Variants in RGS12 observed in about 807,000 individuals in gnomAD.
The protein encoded by RGS12 is regulator of G-protein signaling 12.
A neutral mutation model predicts 120.1 loss-of-function variants in RGS12; 66 were observed. The ratio of observed to expected loss-of-function variants is 0.55; its 90% CI spans 0.45 to 0.67. The LOEUF is 0.67. RGS12 is among the 30% of genes least tolerant of loss of function. The pLI is 0.00. For missense variants in RGS12, 1,859 were observed against 1,957.7 expected (o/e 0.95, Z 0.95); for synonymous variants, 827 against 804.7 (o/e 1.03, Z -0.47).
the RGS12 span, among the ~76,000 whole-genome samples, chr4:3,287,577 C>G: frequency 1.3e-5 from 2 of 152,174 alleles, no homozygotes; most frequent in African/African-American, 4.8e-5. Flanking sequence ...CCTGGCGGCC[C>G]GAGGAAGTTC....
At chr4:3,332,157 T>C (rs969025433) in intron 2 of RGS12, among the ~76,000 whole-genome samples, 15 of 152,164 alleles carry the variant, frequency 9.9e-5, no homozygotes, top group Non-Finnish European at 2.1e-4. Context: ...TGTGGCCCCT[T>C]CACTGTTGGC....
intron 12 of RGS12, among the ~76,000 whole-genome samples, 156 bp from the exon 13 acceptor site, chr4:3,423,359 G>A (rs538981338): frequency 6.6e-6 from 1 of 152,334 alleles, no homozygotes; most frequent in South Asian, 2.1e-4. Context: ...CTTTTCCCAC[G>A]TGGAGGAAGG....
chr4:3,439,166 T>C (rs1725087645), intron 17 of RGS12, among the ~76,000 whole-genome samples: 1 of 151,740 alleles, frequency 6.6e-6, no homozygotes. Flanking sequence ...CCCAGCTCTG[T>C]TCCTGAGCTG....
chr4:3,355,794 CAAAAAAA>C (rs372490658), intron 3 of RGS12, among the ~76,000 whole-genome samples: 61 of 58,080 alleles, frequency 1.1e-3, no homozygotes, highest in Admixed American at 5.8e-3. Context: ...GACCTTGTCT[CAAAAAAA>C]AAAAAAAAAA....
At chr4:3,294,664 T>A (rs562555232) in intron 1 of RGS12, among the ~76,000 whole-genome samples, 1 of 151,984 alleles carries the variant, frequency 6.6e-6, no homozygotes, top group Non-Finnish European at 1.5e-5. Context: ...CTGCACAAGT[T>A]GGTGCACCCC....
chr4:3,431,258 G>T, intron 17 of RGS12: 6 of 1,270,300 alleles, frequency 4.7e-6, no homozygotes, highest in Non-Finnish European at 6.0e-6. Context: ...AACACCCTGG[G>T]TGAGGCCTGG....
intron 3 of RGS12, among the ~76,000 whole-genome samples, chr4:3,367,598 G>A (rs1382053962): frequency 6.6e-6 from 1 of 152,254 alleles, no homozygotes; most frequent in African/African-American, 2.4e-5. Context: ...AGCAGCTCCT[G>A]GACCTCTGAC....
intron 2 of RGS12, among the ~76,000 whole-genome samples, chr4:3,329,969 A>T (rs762231794): frequency 1.3e-5 from 2 of 152,208 alleles, no homozygotes; most frequent in African/African-American, 2.4e-5. Flanking sequence ...CAAGCTTCCT[A>T]ATAATTTCTA....
intron 4 of RGS12, among the ~76,000 whole-genome samples, chr4:3,388,793 G>T (rs1466185989): frequency 6.6e-6 from 1 of 152,262 alleles, no homozygotes; most frequent in Admixed American, 6.5e-5. Flanking sequence ...AACTCTGGCT[G>T]TGTTTCCACA....
rs187019050 is a variant in RGS12 at position 3,350,389 on chromosome 4, T to C, written c.1998+7336T>C. Among the ~76,000 whole-genome samples the C allele has an allele frequency of 2.5e-3, 382 of 152,312 alleles. 1 individual carries two copies. Among genetic ancestry groups the C allele is most frequent in the African/African-American group, 8.7e-3 (362 of 41,574 alleles). On this transcript the variant is annotated intron_variant, in intron 3 of 17. Transcript: ENST00000336727. ...TAAAACCAACTTATTTATCCAAGAT[T>C]TACTTAAGTCAGCTGGGTGTGGTGG...
rs758132409 is a variant in RGS12, at chr4:3,416,083, G to A, written c.2389G>A (p.Ala797Thr). ...CCAGCTAGCAGACGACGTCCTCCGC[G>A]CACCTCACCCAGACATGTTCAAGGA... is the stretch of plus-strand genomic sequence containing the variant. ...QAQLADDVLR[A>T]PHPDMFKEQQ... is the part of the protein sequence containing the mutation. The change falls in exon 7 of 18, where the codon GCA becomes ACA. Residue 797 changes from alanine to threonine, a missense_variant. Physicochemically the swap from Ala to Thr is moderately conservative, Grantham distance 58. This residue lies in a region of RGS12 where 375 missense variants were observed against 475.0 expected (regional missense o/e 0.79). Transcript: ENST00000336727. The A allele has an allele frequency of 1.7e-5, 28 of 1,613,976 alleles. No individual in the cohort carries two copies. Among genetic ancestry groups the A allele is most frequent in the Non-Finnish European group, 2.1e-5 (25 of 1,180,024 alleles).
At position 3,423,738 on chromosome 4, in the gene RGS12, G is replaced by C. The variant is rs142304941; in HGVS notation, c.3234+97G>C. 84 of 1,443,792 alleles carry C rather than the reference G, an allele frequency of 5.8e-5. No individual in the cohort carries two copies. The Middle Eastern group carries it at 7.6e-4, about 13-fold the overall frequency. 89.4% of individuals were successfully genotyped at this position (1,443,792 alleles called of 1,614,324 possible). The stretch of plus-strand genomic sequence containing the variant: ...TTCACTGAAGAGGGCACACCAAGAA[G>C]CGGTGTCTTCCCCTGATCTGGTTGT... On this transcript the variant is annotated intron_variant, in intron 13 of 17. Transcript: ENST00000336727.
At chr4:3,294,846 G>T (rs142413353) in intron 1 of RGS12, among the ~76,000 whole-genome samples, 80 of 152,308 alleles carry the variant, frequency 5.3e-4, no homozygotes, top group Non-Finnish European at 6.8e-4. Flanking sequence ...GGTGACCGGA[G>T]GTCTCAGGGA....
chr4:3,415,449 G>C (rs551884325), intron 6 of RGS12, among the ~76,000 whole-genome samples: 2 of 152,220 alleles, frequency 1.3e-5, no homozygotes, highest in Non-Finnish European at 2.9e-5. Context: ...AGGAAGGAAC[G>C]TGTATTTAGG....
intron 2 of RGS12, among the ~76,000 whole-genome samples, chr4:3,336,147 G>A (rs1266909788): frequency 1.3e-5 from 2 of 152,186 alleles, no homozygotes; most frequent in African/African-American, 4.8e-5. Flanking sequence ...GGAGCCCCAT[G>A]TCCTGTCCCT....
intron 1 of RGS12, among the ~76,000 whole-genome samples, chr4:3,306,281 A>C (rs6847711): frequency 0.026 from 3,932 of 152,246 alleles, 170 homozygotes; most frequent in African/African-American, 0.089. Context: ...TGGCTGGAGC[A>C]TTGGGGGCCG....
chr4:3,384,226 CT>C lies in RGS12; in HGVS notation c.1999-2189del, dbSNP rs571074608. On this transcript the variant is annotated intron_variant, in intron 3 of 17. Coordinates refer to ENST00000336727, the MANE Select transcript of RGS12 (RefSeq NM_001394154.1). ...CTGGAGTGTAGTGGCACGATCTCGG[CT>C]CATTGCAACCTCTACCTCCCGGGTT... is the stretch of plus-strand genomic sequence containing the variant. Among the ~76,000 whole-genome samples the C allele has an allele frequency of 2.0e-4, 31 of 152,292 alleles. 1 individual carries two copies. The South Asian group carries it at 6.4e-3, about 32-fold the overall frequency.
chr4:3,420,715 C>T lies in RGS12; in HGVS notation c.2835C>T (p.Asp945=). ...QGSVSSAGSL[D]LSEACRTLAP... is the part of the protein sequence containing the mutation. ...CTGTGTCCTCTGCGGGGAGCCTGGA[C>T]CTGGTGAGTCACTGTCTCCCCTCGT... Residue 945 remains aspartate (D), a synonymous_variant, in exon 10 of 18, where the codon GAC becomes GAT. Coordinates refer to ENST00000336727, the MANE Select transcript of RGS12 (RefSeq NM_001394154.1). 6.2e-7 allele frequency: 1 copy of T among 1,611,764 alleles called. No individual in the cohort carries two copies. The highest frequency in any genetic ancestry group is 1.1e-5 in the South Asian group (1 of 91,056).
intron 3 of RGS12, among the ~76,000 whole-genome samples, chr4:3,354,275 G>A (rs901837012): frequency 6.6e-6 from 1 of 152,172 alleles, no homozygotes; most frequent in Non-Finnish European, 1.5e-5. Flanking sequence ...ACCTTTACAA[G>A]TCCTGAGTGG....
Sources: allele counts gnomAD v4.1 joint callset (sites outside exome capture counted in the v4.1 genomes callset), GRCh38; gene constraint gnomAD v4.1.1; regional missense constraint gnomAD v4.1.1; transcripts MANE v1.5; gene names NCBI Gene and HGNC (gene_info 2026-07-23, HGNC 2026-07-21).